Variants in ABCB11 observed in about 807,000 individuals in gnomAD.
ABCB11 encodes bile salt export pump.
In ABCB11, 95 loss-of-function variants were observed where a neutral mutation model predicts 148.0. The observed-to-expected ratio is 0.64, with a 90% CI of 0.54 to 0.76. ABCB11 has a LOEUF of 0.76. Ranked by LOEUF, ABCB11 falls within the 30% of genes least tolerant of loss-of-function variation. ABCB11 has a pLI of 0.00. For synonymous variants in ABCB11, 591 were observed against 555.4 expected, an observed-to-expected ratio of 1.06 and a Z score of -0.90; for missense variants, 1,523 against 1,617.8, an observed-to-expected ratio of 0.94 and a Z score of 1.01.
chr2:169,029,781 C>T (rs1695808824), intron 1 of ABCB11, among the ~76,000 whole-genome samples: 1 of 111,478 alleles, frequency 9.0e-6, no homozygotes, highest in Admixed American at 9.4e-5. Context: ...TCGCCCAGGC[C>T]GGACTGCGGA....
At chr2:168,976,434 G>A (rs1391398759) in intron 12 of ABCB11, 143 bp downstream of exon 12, 9 of 513,614 alleles carry the variant, frequency 1.8e-5, no homozygotes, top group South Asian at 6.2e-5. Context: ...GCCAACACCC[G>A]AGGATACTTT....
intron 5 of ABCB11, among the ~76,000 whole-genome samples, chr2:168,999,270 AC>A (rs1175598880): frequency 6.7e-6 from 1 of 149,898 alleles, no homozygotes; most frequent in Middle Eastern, 3.2e-3. Context: ...TGTTTTGGAA[AC>A]TTTTTACCTT....
At chr2:168,964,330 A>G in intron 17 of ABCB11, 22 bp from the exon 18 acceptor site, 2 of 1,539,704 alleles carry the variant, frequency 1.3e-6, no homozygotes, top group Non-Finnish European at 1.8e-6. Context: ...CAGAAAGATG[A>G]AACAGTGTAG....
chr2:168,935,039 A>T, intron 23 of ABCB11, 145 bp downstream of exon 23: 1 of 1,235,622 alleles, frequency 8.1e-7, no homozygotes, highest in Non-Finnish European at 1.1e-6. Flanking sequence ...GATGACCCAC[A>T]GAATCTTGAG....
At chr2:168,926,681 C>A (rs552846051) in intron 26 of ABCB11, among the ~76,000 whole-genome samples, 82 of 152,166 alleles carry the variant, frequency 5.4e-4, no homozygotes, top group Non-Finnish European at 9.1e-4. Context: ...AGTCCAGGGG[C>A]ACTGTGAAAT....
At chr2:169,025,866 C>T (rs1392387483) in intron 1 of ABCB11, among the ~76,000 whole-genome samples, 8 of 152,164 alleles carry the variant, frequency 5.3e-5, no homozygotes, top group Admixed American at 3.3e-4. Context: ...CTGTCAGGGG[C>T]TGTGGGGCAT....
chr2:169,017,592 T>C (rs10168093), intron 2 of ABCB11, among the ~76,000 whole-genome samples: 3,718 of 152,200 alleles, frequency 0.024, 146 homozygotes, highest in African/African-American at 0.084. Flanking sequence ...TGTAAAATCA[T>C]AGGGTTAGAA....
chr2:168,973,633 C>T, intron 13 of ABCB11, 82 bp downstream of exon 13: 1 of 1,525,942 alleles, frequency 6.6e-7, no homozygotes, highest in Non-Finnish European at 9.0e-7. Context: ...TCAATGTATG[C>T]TACACCTTTC....
chr2:168,968,284 C>T lies in ABCB11; in HGVS notation c.2075+143G>A, dbSNP rs553373276. On this transcript the variant is annotated intron_variant, in intron 17 of 27. Coordinates refer to ENST00000650372, the MANE Select transcript of ABCB11 (RefSeq NM_003742.4). ...ATGTCAATATAGCAACCAAGGATCA[C>T]TTGCATGTTCATATTTGACAAGACC... 5.6e-6 allele frequency: 4 copies of T among 720,686 alleles called. No homozygotes were observed. The East Asian group carries it at 1.1e-4, about 20-fold the overall frequency. 44.6% of individuals were successfully genotyped at this position (720,686 alleles called of 1,614,324 possible). A position where few individuals can be genotyped will look rare whatever the true frequency, so the allele number is the denominator to read the frequency against.
chr2:168,973,126 T>G (rs1318546572), intron 13 of ABCB11, among the ~76,000 whole-genome samples: 1 of 151,568 alleles, frequency 6.6e-6, no homozygotes, highest in Admixed American at 6.6e-5. Flanking sequence ...ACAATAATAT[T>G]TTCGTTATAA....
At chr2:168,955,775 T>A (rs1180041335) in intron 19 of ABCB11, among the ~76,000 whole-genome samples, 1 of 151,650 alleles carries the variant, frequency 6.6e-6, no homozygotes, top group Non-Finnish European at 1.5e-5. Flanking sequence ...ACAAGGCAAG[T>A]CCCTTACAAC....
At chr2:168,947,348 A>ATT (rs67085756) in intron 19 of ABCB11, among the ~76,000 whole-genome samples, 7,958 of 148,284 alleles carry the variant, frequency 0.054, 253 homozygotes, top group Middle Eastern at 0.11. Context: ...TCTCACATCC[A>ATT]TTTTTTTTTT....
At position 168,936,446 on chromosome 2, in the gene ABCB11, A is replaced by C; in HGVS notation, c.2611-13T>G. The stretch of plus-strand genomic sequence containing the variant: ...GAGAGCCGGCAGCCTGCAAACCAAA[A>C]AGCAATCAACCCGTCTCAGACACAC... On this transcript the variant is annotated splice_polypyrimidine_tract_variant and intron_variant, in intron 21 of 27. Coordinates refer to ENST00000650372, the MANE Select transcript of ABCB11 (RefSeq NM_003742.4). 6.2e-7 allele frequency: 1 copy of C among 1,613,632 alleles called. No homozygotes were observed. The highest frequency in any genetic ancestry group is 8.5e-7 in the Non-Finnish European group (1 of 1,179,752).
intron 5 of ABCB11, among the ~76,000 whole-genome samples, chr2:169,012,738 T>TAAAAAAAA (rs78964015): frequency 8.1e-6 from 1 of 123,714 alleles, no homozygotes. Flanking sequence ...GACTCCATCT[T>TAAAAAAAA]AAAAAAAAAA....
chr2:168,968,312 G>A (rs972793704), intron 17 of ABCB11, 115 bp downstream of exon 17: 3 of 893,998 alleles, frequency 3.4e-6, no homozygotes, highest in Non-Finnish European at 5.4e-6. Flanking sequence ...ACAAGACCTG[G>A]CAGTCTACTC....
intron 10 of ABCB11, among the ~76,000 whole-genome samples, chr2:168,981,899 A>G (rs557198508): frequency 6.6e-6 from 1 of 152,278 alleles, no homozygotes; most frequent in East Asian, 1.9e-4. Flanking sequence ...AGTGAGCTGG[A>G]TTTGGCCTGT....
intron 10 of ABCB11, among the ~76,000 whole-genome samples, chr2:168,985,693 T>A (rs1252612013): frequency 6.6e-6 from 1 of 152,076 alleles, no homozygotes; most frequent in Non-Finnish European, 1.5e-5. Context: ...AACTCAGGAA[T>A]GGAAAACCAA....
chr2:168,925,260 G>A (rs1363811304), intron 26 of ABCB11, among the ~76,000 whole-genome samples: 1 of 152,218 alleles, frequency 6.6e-6, no homozygotes, highest in Non-Finnish European at 1.5e-5. Flanking sequence ...TTGGTTAGAA[G>A]CTCCACTCTG....
downstream of ABCB11, among the ~76,000 whole-genome samples, chr2:168,917,919 A>G (rs983874295): frequency 6.6e-6 from 1 of 152,236 alleles, no homozygotes; most frequent in Non-Finnish European, 1.5e-5. Flanking sequence ...CAGATTCTGA[A>G]TATTTAGTAG....
Sources: allele counts gnomAD v4.1 joint callset (sites outside exome capture counted in the v4.1 genomes callset), GRCh38; gene constraint gnomAD v4.1.1; transcripts MANE v1.5; gene names NCBI Gene and HGNC (gene_info 2026-07-23, HGNC 2026-07-21).